LRMDA: variants seen among roughly 807,000 people sequenced by gnomAD.
LRMDA encodes leucine-rich melanocyte differentiation-associated protein.
Under a neutral mutation model 29.8 loss-of-function variants are expected in LRMDA, and 18 were observed. The observed-to-expected ratio is 0.60, with a 90% CI of 0.42 to 0.90. LRMDA has a LOEUF of 0.90. Ranked by LOEUF, LRMDA falls within the 40% of genes least tolerant of loss-of-function variation. The probability of loss-of-function intolerance (pLI) is 0.00; values close to 1 mark genes in which losing one functional copy is unlikely to be tolerated. For synonymous variants in LRMDA, 125 were observed against 109.4 expected (o/e 1.14, Z -0.89); for missense variants, 273 against 273.9 (o/e 1.00, Z 0.02).
intron 5 of LRMDA, among the ~76,000 whole-genome samples, chr10:76,091,394 G>A (rs779763413): frequency 1.1e-4 from 17 of 151,970 alleles, no homozygotes; most frequent in Non-Finnish European, 1.3e-4. Flanking sequence ...CTCTATTAAC[G>A]TTTCTTCACA....
At chr10:76,319,851 A>G (rs1317242832) in intron 5 of LRMDA, among the ~76,000 whole-genome samples, 2 of 152,090 alleles carry the variant, frequency 1.3e-5, no homozygotes, top group Non-Finnish European at 2.9e-5. Flanking sequence ...AGTGATGGGG[A>G]ATGAGTTGTA....
At chr10:75,572,281 T>C (rs917508766) in intron 2 of LRMDA, among the ~76,000 whole-genome samples, 5 of 152,130 alleles carry the variant, frequency 3.3e-5, no homozygotes, top group African/African-American at 7.2e-5. Flanking sequence ...TCAACACTTA[T>C]ATAGATTTAA....
chr10:75,504,848 AT>A (rs1409847626), intron 2 of LRMDA, among the ~76,000 whole-genome samples: 1 of 152,160 alleles, frequency 6.6e-6, no homozygotes, highest in Non-Finnish European at 1.5e-5. Flanking sequence ...AACATTGGCA[AT>A]TTAAATCAGG....
rs1034761146 is a variant in LRMDA, at chr10:75,767,392, C to T, written c.132-268616C>T. Among the ~76,000 whole-genome samples, 3 of 152,086 alleles carry T rather than the reference C, an allele frequency of 2.0e-5. No homozygotes were observed. The East Asian group carries it at 5.8e-4, about 29-fold the overall frequency. ...TTTTCATTTGCATTTCTCTAATGAC[C>T]AGTGATGATGAGCTTTTTTTCATAT... On this transcript the variant is annotated intron_variant, in intron 2 of 6. Coordinates refer to ENST00000611255, the MANE Select transcript of LRMDA (RefSeq NM_001305581.2).
At chr10:76,076,790 A>G (rs1380597327) in intron 5 of LRMDA, among the ~76,000 whole-genome samples, 1 of 152,158 alleles carries the variant, frequency 6.6e-6, no homozygotes, top group East Asian at 1.9e-4. Context: ...CTCAGGAAGC[A>G]CAAAATGGAA....
At chr10:75,672,701 C>T (rs944965549) in intron 2 of LRMDA, among the ~76,000 whole-genome samples, 5 of 149,152 alleles carry the variant, frequency 3.4e-5, no homozygotes, top group African/African-American at 1.2e-4. Flanking sequence ...ACCTCCGTCT[C>T]CCAACTAGCT....
chr10:76,393,665 A>G (rs1004135225), intron 6 of LRMDA, among the ~76,000 whole-genome samples: 2 of 152,040 alleles, frequency 1.3e-5, no homozygotes, highest in African/African-American at 4.8e-5. Context: ...TTTTAGTTTG[A>G]TGTAATCCCA....
At chr10:75,511,358 A>G (rs1004538541) in intron 2 of LRMDA, among the ~76,000 whole-genome samples, 4 of 152,078 alleles carry the variant, frequency 2.6e-5, no homozygotes, top group African/African-American at 9.7e-5. Context: ...AAAACCAAAG[A>G]GAATATTGGA....
At chr10:75,446,405 T>C (rs1471352084) in intron 2 of LRMDA, among the ~76,000 whole-genome samples, 1 of 152,248 alleles carries the variant, frequency 6.6e-6, no homozygotes, top group Non-Finnish European at 1.5e-5. Flanking sequence ...TGACCCTCCA[T>C]GAGGGCCATT....
rs531314992 is a variant in LRMDA at position 75,853,262 on chromosome 10, T to A, written c.132-182746T>A. On this transcript the variant is annotated intron_variant, in intron 2 of 6. Coordinates refer to ENST00000611255, the MANE Select transcript of LRMDA (RefSeq NM_001305581.2). ...TTCTCATTTTCTAAACTTCCTATCA[T>A]CTGCTGCAGGCCTGCCCAATTCCCC... 5.3e-5 allele frequency among the ~76,000 whole-genome samples: 8 copies of A among 152,266 alleles called. No homozygotes were observed. The South Asian group carries it at 1.0e-3, about 20-fold the overall frequency.
At chr10:76,200,283 A>C (rs1484758482) in intron 5 of LRMDA, among the ~76,000 whole-genome samples, 2 of 152,186 alleles carry the variant, frequency 1.3e-5, no homozygotes, top group African/African-American at 2.4e-5. Context: ...TTTTTAAAAT[A>C]TGGCAGGCAT....
rs113590324 is a variant in LRMDA, at chr10:75,443,047, T to C, written c.131+4553T>C. Among the ~76,000 whole-genome samples, 824 of 152,296 alleles carry C rather than the reference T, an allele frequency of 5.4e-3. 9 individuals are homozygous for C. Among genetic ancestry groups the C allele is most frequent in the African/African-American group, 0.018 (767 of 41,572 alleles). ...TGTATAGGGATGCAGCTGATTTTTGTGTGTTGATTTTGTATCCTGCAACTT... is the reference window on the plus strand; with the variant it reads ...TGTATAGGGATGCAGCTGATTTTTGCGTGTTGATTTTGTATCCTGCAACTT... On this transcript the variant is annotated intron_variant, in intron 2 of 6. Transcript: ENST00000611255.
intron 5 of LRMDA, among the ~76,000 whole-genome samples, chr10:76,263,101 T>C (rs767640289): frequency 2.6e-5 from 4 of 152,176 alleles, no homozygotes; most frequent in Non-Finnish European, 5.9e-5. Flanking sequence ...CAAATGCTAT[T>C]TTTAGAAGGA....
At chr10:75,577,204 T>C (rs1387623543) in intron 2 of LRMDA, among the ~76,000 whole-genome samples, 1 of 152,142 alleles carries the variant, frequency 6.6e-6, no homozygotes, top group Non-Finnish European at 1.5e-5. Flanking sequence ...TATGACCTGA[T>C]GGAGCTGAAA....
intron 6 of LRMDA, among the ~76,000 whole-genome samples, chr10:76,383,423 T>TTTTTTTTTTTTTTTTTTTC (rs1841618059): frequency 7.6e-6 from 1 of 132,226 alleles, no homozygotes; most frequent in African/African-American, 3.2e-5. Flanking sequence ...TTCTTTTTTT[T>TTTTTTTTTTTTTTTTTTTC]TTTTTTTTTT....
chr10:75,759,885 G>A (rs1037874069), intron 2 of LRMDA, among the ~76,000 whole-genome samples: 1 of 152,226 alleles, frequency 6.6e-6, no homozygotes, highest in Non-Finnish European at 1.5e-5. Context: ...TTCAGAGCTA[G>A]AGTTGTAATT....
chr10:76,391,905 A>G (rs923950600), intron 6 of LRMDA, among the ~76,000 whole-genome samples: 3 of 152,170 alleles, frequency 2.0e-5, no homozygotes, highest in Admixed American at 6.5e-5. Flanking sequence ...ATATCTGTCT[A>G]TGGATTTATG....
intron 5 of LRMDA, among the ~76,000 whole-genome samples, chr10:76,280,387 A>G (rs552812403): frequency 3.9e-5 from 6 of 152,206 alleles, no homozygotes; most frequent in Non-Finnish European, 5.9e-5. Flanking sequence ...CCACAGTAGC[A>G]GAGTGAAGAA....
chr10:75,515,605 C>T (rs1055101311), intron 2 of LRMDA, among the ~76,000 whole-genome samples: 1 of 152,138 alleles, frequency 6.6e-6, no homozygotes, highest in Non-Finnish European at 1.5e-5. Flanking sequence ...GTCTTGAACT[C>T]CTGGTCTCAA....
Sources: allele counts gnomAD v4.1 joint callset (sites outside exome capture counted in the v4.1 genomes callset), GRCh38; gene constraint gnomAD v4.1.1; transcripts MANE v1.5; gene names NCBI Gene and HGNC (gene_info 2026-07-23, HGNC 2026-07-21).